Variants in TNS3 observed in about 807,000 individuals in gnomAD.
TNS3 encodes the protein tensin 3, also known as tensin-3.
Under a neutral mutation model 140.9 loss-of-function variants are expected in TNS3, and 45 were observed. The ratio of observed to expected loss-of-function variants is 0.32; its 90% CI spans 0.25 to 0.41. The LOEUF (loss-of-function observed/expected upper bound fraction) is 0.41, where lower values mean the gene tolerates loss of function less well. TNS3 is among the 10% of genes least tolerant of loss of function. The pLI, the probability that TNS3 is intolerant of heterozygous loss-of-function variation, is 1.00. For missense variants in TNS3, 1,716 were observed against 1,906.7 expected (o/e 0.90, Z 1.86); for synonymous variants, 815 against 788.4 (o/e 1.03, Z -0.56).
intron 1 of TNS3, among the ~76,000 whole-genome samples, chr7:47,554,889 A>G (rs1800154947): frequency 6.6e-6 from 1 of 151,906 alleles, no homozygotes; most frequent in Admixed American, 6.6e-5. Context: ...TTAGCTGGGC[A>G]TGGTAGTGTG....
At chr7:47,462,025 A>T (rs1239297174) in intron 4 of TNS3, among the ~76,000 whole-genome samples, 1 of 152,234 alleles carries the variant, frequency 6.6e-6, no homozygotes, top group Non-Finnish European at 1.5e-5. Context: ...ACTCAAAGAC[A>T]GGGTGGGATG....
chr7:47,499,359 G>A (rs562007410), intron 3 of TNS3, among the ~76,000 whole-genome samples: 226 of 152,314 alleles, frequency 1.5e-3, no homozygotes, highest in Non-Finnish European at 2.5e-3. Context: ...GATCTTACAG[G>A]AAAAGGAATA....
chr7:47,454,074 G>C (rs1796143594), intron 4 of TNS3, among the ~76,000 whole-genome samples: 1 of 152,214 alleles, frequency 6.6e-6, no homozygotes, highest in African/African-American at 2.4e-5. Context: ...GACCAAGGGA[G>C]GGGAGGTGGG....
chr7:47,423,189 C>T (rs1262413719), intron 10 of TNS3, among the ~76,000 whole-genome samples: 1 of 152,212 alleles, frequency 6.6e-6, no homozygotes, highest in Non-Finnish European at 1.5e-5. Flanking sequence ...TACACAAGGT[C>T]GGGTGTGCAA....
At chr7:47,389,964 G>A (rs1032502895) in intron 16 of TNS3, among the ~76,000 whole-genome samples, 1 of 152,252 alleles carries the variant, frequency 6.6e-6, no homozygotes, top group Non-Finnish European at 1.5e-5. Flanking sequence ...AGCAAGCAAT[G>A]CTTAGAAAAG....
chr7:47,467,700 A>C (rs1019970437), intron 4 of TNS3, among the ~76,000 whole-genome samples: 1 of 152,152 alleles, frequency 6.6e-6, no homozygotes, highest in East Asian at 1.9e-4. Flanking sequence ...GCTTCTCTAA[A>C]ATAGGACTAT....
chr7:47,467,111 C>A (rs1332746303), intron 4 of TNS3, among the ~76,000 whole-genome samples: 1 of 152,204 alleles, frequency 6.6e-6, no homozygotes, highest in Non-Finnish European at 1.5e-5. Flanking sequence ...ACAGCTATTA[C>A]AACCTGGATG....
At chr7:47,372,655 T>C (rs957779322) in intron 16 of TNS3, among the ~76,000 whole-genome samples, 9 of 152,150 alleles carry the variant, frequency 5.9e-5, no homozygotes, top group African/African-American at 1.4e-4. Context: ...AAACACTCCA[T>C]CTACGTCAGG....
chr7:47,461,151 AC>A, intron 4 of TNS3, among the ~76,000 whole-genome samples: 1 of 152,330 alleles, frequency 6.6e-6, no homozygotes, highest in East Asian at 1.9e-4. Flanking sequence ...TAAACATAAG[AC>A]AGTGAGCCCC....
chr7:47,313,991 T>A (rs1422038036), intron 20 of TNS3, among the ~76,000 whole-genome samples: 1 of 152,146 alleles, frequency 6.6e-6, no homozygotes, highest in Non-Finnish European at 1.5e-5. Context: ...TCAGATTCCA[T>A]GTTTATCCCA....
chr7:47,557,052 A>G, intron 1 of TNS3: 1 of 456,786 alleles, frequency 2.2e-6, no homozygotes, highest in Non-Finnish European at 4.4e-6. Flanking sequence ...CAGGGTGTGC[A>G]GGGTGCCTAG....
chr7:47,355,480 G>T (rs181090320), intron 17 of TNS3, among the ~76,000 whole-genome samples: 3 of 152,232 alleles, frequency 2.0e-5, no homozygotes, highest in African/African-American at 7.2e-5. Context: ...GAGAATCAGG[G>T]ATTCAGGCCA....
At chr7:47,389,109 C>CGGAAGCGGA (rs1554310453) in intron 16 of TNS3, among the ~76,000 whole-genome samples, 3 of 59,140 alleles carry the variant, frequency 5.1e-5, no homozygotes, top group Middle Eastern at 9.3e-3. Context: ...GAAGCGGAAG[C>CGGAAGCGGA]AGAAGAAGAA....
At position 47,364,118 on chromosome 7, in the gene TNS3, G is replaced by A. The variant is rs753116462; in HGVS notation, c.2281+4247C>T. ...GATCTAGTAATTTTTGTTTTCTGCC[G>A]CTTGCCAAAGTAGCCATTTCCTATT... On this transcript the variant is annotated intron_variant, in intron 17 of 30. Coordinates refer to ENST00000311160, the MANE Select transcript of TNS3 (RefSeq NM_022748.12). Among the ~76,000 whole-genome samples, 6 of 151,900 alleles carry A rather than the reference G, an allele frequency of 3.9e-5. No individual in the cohort carries two copies. In the East Asian group the frequency reaches 5.8e-4, roughly 15 times the overall value.
intron 4 of TNS3, among the ~76,000 whole-genome samples, chr7:47,457,156 GAAGA>G: frequency 5.8e-5 from 2 of 34,514 alleles, no homozygotes; most frequent in Non-Finnish European, 6.0e-5. Flanking sequence ...GAGGGGAGGG[GAAGA>G]GAGGGGAGGG....
chr7:47,381,693 G>A lies in TNS3; in HGVS notation c.1025-12072C>T, dbSNP rs116833897. Among the ~76,000 whole-genome samples the A allele has an allele frequency of 4.5e-3, 678 of 152,256 alleles. 2 individuals carry two copies. Among genetic ancestry groups the A allele is most frequent in the African/African-American group, 0.015 (616 of 41,548 alleles). On this transcript the variant is annotated intron_variant, in intron 16 of 30. Transcript: ENST00000311160. ...CGAGATGGCCACATTGGCATATGTC[G>A]CTTACAGGAGGTTAAGGTAAAACTC...
intron 3 of TNS3, among the ~76,000 whole-genome samples, chr7:47,494,752 C>T (rs1797937689): frequency 6.6e-6 from 1 of 152,230 alleles, no homozygotes; most frequent in East Asian, 1.9e-4. Context: ...TCCCGGGAGG[C>T]GGAGAGAGGG....
intron 20 of TNS3, among the ~76,000 whole-genome samples, chr7:47,338,569 T>C (rs764703694): frequency 2.6e-5 from 4 of 152,234 alleles, no homozygotes; most frequent in Admixed American, 6.5e-5. Flanking sequence ...GTCAGTGGCT[T>C]TTCTTTTTAA....
intron 17 of TNS3, among the ~76,000 whole-genome samples, chr7:47,346,969 C>G (rs899572717): frequency 2.6e-5 from 4 of 152,166 alleles, no homozygotes; most frequent in Non-Finnish European, 4.4e-5. Context: ...CACTCTTGAC[C>G]AAATTCTGTT....
Sources: gnomAD v4.1 joint callset for allele counts (sites outside exome capture counted in the v4.1 genomes callset) on GRCh38, gnomAD v4.1.1 for gene constraint, MANE v1.5 for transcripts, NCBI Gene and HGNC (gene_info 2026-07-23, HGNC 2026-07-21) for gene names.